The following SETBP1 variants were observed in gnomAD, a reference collection of about 807,000 sequenced individuals.
The protein encoded by SETBP1 is SET binding protein 1.
SETBP1 carries 9 observed loss-of-function variants against 101.0 expected under a neutral mutation model. The ratio of observed to expected loss-of-function variants is 0.09; its 90% CI spans 0.05 to 0.16. The LOEUF (loss-of-function observed/expected upper bound fraction) is 0.16, where lower values mean the gene tolerates loss of function less well. Among genes scored for constraint, SETBP1 ranks in the 10% least tolerant of loss-of-function variants. The pLI, the probability that SETBP1 is intolerant of heterozygous loss-of-function variation, is 1.00. For synonymous variants in SETBP1, 818 were observed against 788.5 expected, an observed-to-expected ratio of 1.04 and a Z score of -0.63; for missense variants, 1,858 against 2,033.8, an observed-to-expected ratio of 0.91 and a Z score of 1.66.
chr18:44,796,944 C>A (rs2071491251), intron 2 of SETBP1, among the ~76,000 whole-genome samples: 1 of 152,178 alleles, frequency 6.6e-6, no homozygotes, highest in Admixed American at 6.5e-5. Context: ...ATCCCCTTTT[C>A]CCTTCTGGAC....
In SETBP1 at chr18:44,818,747, ACACACT is replaced by A. The variant is rs201500305; in HGVS notation, c.487-50477_487-50472del. On this transcript the variant is annotated intron_variant, in intron 2 of 5. Transcript: ENST00000649279. ...CTTTTTATGAAAAGAAAAGACACGC[ACACACT>A]CACACACACACACACACACACACAC... Among the ~76,000 whole-genome samples the A allele has an allele frequency of 1.7e-3, 170 of 97,248 alleles. 1 individual carries two copies. Among genetic ancestry groups the A allele is most frequent in the South Asian group, 0.016 (57 of 3,462 alleles). 63.8% of individuals were successfully genotyped at this position (97,248 alleles called of 152,430 possible).
chr18:44,803,898 G>A (rs1263469535), intron 2 of SETBP1, among the ~76,000 whole-genome samples: 1 of 143,530 alleles, frequency 7.0e-6, no homozygotes, highest in Non-Finnish European at 1.5e-5. Context: ...ATTAAGTAGT[G>A]ATGTCTTCTC....
chr18:44,912,631 A>G (rs1045799278), intron 3 of SETBP1, among the ~76,000 whole-genome samples: 2 of 151,966 alleles, frequency 1.3e-5, no homozygotes, highest in African/African-American at 4.8e-5. Context: ...GTTTGCCAGG[A>G]TGGTCTCCAT....
At chr18:44,777,301 A>T (rs1479621872) in intron 2 of SETBP1, among the ~76,000 whole-genome samples, 1 of 152,176 alleles carries the variant, frequency 6.6e-6, no homozygotes, top group African/African-American at 2.4e-5. Context: ...AATAAAAGTT[A>T]AATTACTTGG....
intron 3 of SETBP1, among the ~76,000 whole-genome samples, chr18:44,892,443 A>C (rs1175373649): frequency 6.6e-6 from 1 of 152,178 alleles, no homozygotes; most frequent in Non-Finnish European, 1.5e-5. Flanking sequence ...GCATATGTAC[A>C]TGGCTTAGGC....
Position 44,951,787 on chromosome 18 carries a change from C to T in SETBP1, c.2447C>T (p.Thr816Ile). Residue 816 changes from threonine to isoleucine, a missense_variant, in exon 4 of 6, where the codon ACC (threonine) becomes ATC (isoleucine). Physicochemically the swap from Thr to Ile is moderately conservative, Grantham distance 89 (BLOSUM62 -1). Coordinates refer to ENST00000649279, the MANE Select transcript of SETBP1 (RefSeq NM_015559.3). This position sits in a 1 kb window ranked among gnomAD's most constrained non-coding sequence, Gnocchi z 7.8. ...CTCCAGCCCATCAGTGCTCTTCCAACCAAAACCCAAAAGGGAATACACAGT... is the reference window on the plus strand; with the variant it reads ...CTCCAGCCCATCAGTGCTCTTCCAATCAAAACCCAAAAGGGAATACACAGT... Reference protein sequence around the residue: ...PNLQPISALPTKTQKGIHSGT... With the variant: ...PNLQPISALPIKTQKGIHSGT... 1 of 1,614,124 alleles carries T rather than the reference C, an allele frequency of 6.2e-7. No individual in the cohort carries two copies. The highest frequency in any genetic ancestry group is 8.5e-7 in the Non-Finnish European group (1 of 1,180,034).
intron 1 of SETBP1, among the ~76,000 whole-genome samples, chr18:44,691,409 G>A (rs1262537876): frequency 7.0e-6 from 1 of 143,506 alleles, no homozygotes; most frequent in Non-Finnish European, 1.5e-5. Flanking sequence ...TGACTGCACA[G>A]AGGAACACAG....
chr18:44,911,123 G>A (rs143480998), intron 3 of SETBP1, among the ~76,000 whole-genome samples: 13 of 152,280 alleles, frequency 8.5e-5, no homozygotes, highest in African/African-American at 3.1e-4. Flanking sequence ...ATTTGGAGTG[G>A]GGGAGGGAGG....
intron 5 of SETBP1, among the ~76,000 whole-genome samples, chr18:45,061,428 A>C (rs1236156129): frequency 6.6e-6 from 1 of 152,124 alleles, no homozygotes; most frequent in Non-Finnish European, 1.5e-5. Context: ...AACTACAAAA[A>C]TTTTATTTTT....
At chr18:44,967,874 T>G (rs1168894436) in intron 4 of SETBP1, among the ~76,000 whole-genome samples, 1 of 152,210 alleles carries the variant, frequency 6.6e-6, no homozygotes, top group Non-Finnish European at 1.5e-5. Flanking sequence ...GCTTTGCACA[T>G]GCCATTTCTC....
At chr18:44,985,125 A>T (rs914076298) in intron 4 of SETBP1, among the ~76,000 whole-genome samples, 1 of 152,196 alleles carries the variant, frequency 6.6e-6, no homozygotes, top group African/African-American at 2.4e-5. Flanking sequence ...TGGGCGACAG[A>T]GACTGTCGCC....
intron 2 of SETBP1, among the ~76,000 whole-genome samples, chr18:44,788,775 T>C (rs1304329930): frequency 6.7e-6 from 1 of 150,068 alleles, no homozygotes; most frequent in Non-Finnish European, 1.5e-5. Flanking sequence ...AACTGATTTT[T>C]TTTTTTCCTT....
chr18:44,846,765 T>TA (rs1442305613), intron 2 of SETBP1, among the ~76,000 whole-genome samples: 25 of 152,256 alleles, frequency 1.6e-4, no homozygotes, highest in Admixed American at 9.8e-4. Context: ...CCTCCAAAGA[T>TA]ACTTACCAAT....
At chr18:44,726,380 G>A (rs1488507844) in intron 2 of SETBP1, among the ~76,000 whole-genome samples, 3 of 152,122 alleles carry the variant, frequency 2.0e-5, no homozygotes, top group Admixed American at 2.0e-4. Context: ...GTTCTGTATG[G>A]GAGGCACCAA....
At chr18:44,967,135 G>T (rs1289024273) in intron 4 of SETBP1, among the ~76,000 whole-genome samples, 2 of 152,230 alleles carry the variant, frequency 1.3e-5, no homozygotes, top group African/African-American at 4.8e-5. Context: ...GGGAAAGGCA[G>T]AAATTAGCTG....
At chr18:44,785,840 C>T (rs2071229070) in intron 2 of SETBP1, among the ~76,000 whole-genome samples, 1 of 152,198 alleles carries the variant, frequency 6.6e-6, no homozygotes, top group Non-Finnish European at 1.5e-5. Flanking sequence ...CCTATGGGAC[C>T]TGCTCAGACC....
chr18:44,891,187 C>G (rs2069760958), intron 3 of SETBP1, among the ~76,000 whole-genome samples: 1 of 152,030 alleles, frequency 6.6e-6, no homozygotes, highest in Admixed American at 6.6e-5. Flanking sequence ...ACTATCACAA[C>G]ACCAGCATGA....
intron 2 of SETBP1, among the ~76,000 whole-genome samples, chr18:44,721,185 ATTTCT>A (rs1352633063): frequency 2.6e-5 from 4 of 152,032 alleles, no homozygotes; most frequent in East Asian, 1.9e-4. Flanking sequence ...GAAGTAATTG[ATTTCT>A]TTTCTTAAGA....
At chr18:44,868,766 G>A (rs969161737) in intron 2 of SETBP1, among the ~76,000 whole-genome samples, 2 of 141,950 alleles carry the variant, frequency 1.4e-5, no homozygotes, top group African/African-American at 5.3e-5. Flanking sequence ...AAGGAAGGAA[G>A]GAAGGAAAAG....
Sources: gnomAD v4.1 joint callset for allele counts (sites outside exome capture counted in the v4.1 genomes callset) on GRCh38, gnomAD v4.1.1 for gene constraint, Gnocchi (gnomAD v3.1) non-coding constraint, MANE v1.5 for transcripts, NCBI Gene and HGNC (gene_info 2026-07-23, HGNC 2026-07-21) for gene names.